The following SPATA3 variants were observed in gnomAD, a reference collection of about 807,000 sequenced individuals.
SPATA3 encodes spermatogenesis associated 3.
A neutral mutation model predicts 5.7 loss-of-function variants in SPATA3; 6 were observed. The ratio of observed to expected loss-of-function variants is 1.06; its 90% CI spans 0.58 to 2.09. The LOEUF (loss-of-function observed/expected upper bound fraction) is 2.09, where lower values mean the gene tolerates loss of function less well. Ranked by LOEUF, SPATA3 falls within the 30% of genes most tolerant of loss-of-function variation. The probability of loss-of-function intolerance (pLI) is 0.00; values close to 1 mark genes in which losing one functional copy is unlikely to be tolerated. For synonymous variants in SPATA3, 44 were observed against 48.4 expected, an observed-to-expected ratio of 0.91 and a Z score of 0.37; for missense variants, 155 against 130.4, an observed-to-expected ratio of 1.19 and a Z score of -0.92.
chr2:231,004,951 TATCACCATCATCCTC>T (rs912211192), downstream of SPATA3, among the ~76,000 whole-genome samples: 8 of 139,282 alleles, frequency 5.7e-5, no homozygotes, highest in Non-Finnish European at 1.1e-4. Context: ...CCATCACCAT[TATCACCATCATCCTC>T]ATCACCATCA....
At chr2:230,999,616 A>G (rs1196647236) in intron 1 of SPATA3, 1 of 163,604 alleles carries the variant, frequency 6.1e-6, no homozygotes. Flanking sequence ...TAATCCAGCC[A>G]GAAATTATCT....
At chr2:230,998,587 G>A (rs1692223088) in intron 1 of SPATA3, among the ~76,000 whole-genome samples, 1 of 152,224 alleles carries the variant, frequency 6.6e-6, no homozygotes, top group Non-Finnish European at 1.5e-5. Context: ...AGAAAGGAAT[G>A]TTGGAGATGA....
exon 3 of SPATA3, chr2:231,002,747 C>T: frequency 1.3e-6 from 2 of 1,531,916 alleles, no homozygotes; most frequent in Non-Finnish European, 1.8e-6. Context: ...GGAACTGTGG[C>T]TGTGGCTCTG....
intron 2 of SPATA3, among the ~76,000 whole-genome samples, chr2:231,002,279 G>A (rs1398931955): frequency 6.6e-6 from 1 of 152,116 alleles, no homozygotes; most frequent in East Asian, 1.9e-4. Context: ...CCTTTGTGTG[G>A]GTGTAATATA....
intron 6 of SPATA3, among the ~76,000 whole-genome samples, chr2:231,017,274 CTCTTT>C (rs1436202793): frequency 6.6e-6 from 1 of 152,224 alleles, no homozygotes; most frequent in African/African-American, 2.4e-5. Flanking sequence ...ATCTGACATG[CTCTTT>C]TCTTTCCCAC....
At chr2:231,013,061 G>T (rs1053901571) in intron 5 of SPATA3, among the ~76,000 whole-genome samples, 1 of 152,108 alleles carries the variant, frequency 6.6e-6, no homozygotes, top group Non-Finnish European at 1.5e-5. Context: ...GGGCCTTGAT[G>T]CTGCCAGGGA....
intron 1 of SPATA3, among the ~76,000 whole-genome samples, chr2:230,997,013 G>A (rs1481097623): frequency 6.6e-6 from 1 of 152,192 alleles, no homozygotes; most frequent in Admixed American, 6.5e-5. Flanking sequence ...ACCATTTAGT[G>A]TATGACAGTC....
chr2:230,998,641 A>G (rs1226618824), intron 1 of SPATA3, among the ~76,000 whole-genome samples: 2 of 152,226 alleles, frequency 1.3e-5, no homozygotes, highest in Non-Finnish European at 1.5e-5. Flanking sequence ...TCTAAAATCC[A>G]AGCCTTTTTG....
At chr2:231,015,706 G>T (rs764886200) in intron 6 of SPATA3, among the ~76,000 whole-genome samples, 1 of 152,202 alleles carries the variant, frequency 6.6e-6, no homozygotes, top group Non-Finnish European at 1.5e-5. Flanking sequence ...TGCAGCTGTG[G>T]GGGCAATGGA....
intron 6 of SPATA3, among the ~76,000 whole-genome samples, chr2:231,015,012 C>T (rs143826782): frequency 1.3e-5 from 2 of 151,630 alleles, no homozygotes; most frequent in African/African-American, 2.4e-5. Flanking sequence ...GAGGGGAGCA[C>T]CAGGAAATCC....
At chr2:231,005,580 T>TCACCAC (rs1692592066), downstream of SPATA3, among the ~76,000 whole-genome samples, 1 of 22,178 alleles carries the variant, frequency 4.5e-5, no homozygotes, top group African/African-American at 1.5e-4. Context: ...ATCATCACCA[T>TCACCAC]CATCATCCTC....
At position 231,000,590 on chromosome 2, in the gene SPATA3, C is replaced by T. The variant is rs1692313915; in HGVS notation, c.962+53C>T. ...GGGGCACACAGTCCCCAGGGCCAGG[C>T]TCTGCCCCCAGACCTTATTAGCAAT... is the stretch of plus-strand genomic sequence containing the variant. On this transcript the variant is annotated intron_variant, in intron 2 of 2. Coordinates refer to ENST00000645363, the Ensembl canonical transcript of SPATA3. 6 of 1,418,010 alleles carry T rather than the reference C, an allele frequency of 4.2e-6. No homozygotes were observed. In the South Asian group the frequency reaches 7.6e-5, roughly 18 times the overall value. 87.8% of individuals were successfully genotyped at this position (1,418,010 alleles called of 1,614,324 possible). A position where few individuals can be genotyped will look rare whatever the true frequency, so the allele number is the denominator to read the frequency against.
rs187991034 is a variant in SPATA3, at chr2:231,018,933, G to A, written c.*566-787G>A. 2.6e-3 allele frequency among the ~76,000 whole-genome samples: 389 copies of A among 150,792 alleles called. 3 individuals carry two copies. The highest frequency in any genetic ancestry group is 0.01 in the East Asian group (52 of 5,120). On this transcript the variant is annotated intron_variant, in intron 6 of 8. Transcript: ENST00000452881. ...ATTCCTGACCTCAGGTGATCCACCC[G>A]CCTCAGCCACCGTGCCTGGCCTGAT...
At chr2:231,000,698 G>GCCCTTT (rs1411832996) in intron 2 of SPATA3, among the ~76,000 whole-genome samples, 161 bp downstream of exon 2, 7 of 152,192 alleles carry the variant, frequency 4.6e-5, no homozygotes, top group African/African-American at 1.2e-4. Context: ...CTGGACGTTG[G>GCCCTTT]CAGGCAGGGC....
chr2:231,003,270 T>C (rs1692423259), downstream of SPATA3, among the ~76,000 whole-genome samples: 1 of 152,336 alleles, frequency 6.6e-6, no homozygotes, highest in African/African-American at 2.4e-5. Context: ...TCTCCACCTG[T>C]GCCTCCTGTG....
downstream of SPATA3, among the ~76,000 whole-genome samples, chr2:231,011,839 T>C (rs1692796639): frequency 6.6e-6 from 1 of 152,188 alleles, no homozygotes; most frequent in Non-Finnish European, 1.5e-5. Context: ...TTCAGGCTGC[T>C]ATTACAGGCT....
At chr2:231,016,224 C>T (rs745903) in intron 6 of SPATA3, among the ~76,000 whole-genome samples, 49,783 of 152,054 alleles carry the variant, frequency 0.33, 8,415 homozygotes, top group Non-Finnish European at 0.37. Context: ...CAATTCCACC[C>T]CCATTCCAGG....
intron 6 of SPATA3, among the ~76,000 whole-genome samples, chr2:231,016,801 T>C (rs1574678341): frequency 1.3e-5 from 2 of 152,176 alleles, no homozygotes; most frequent in African/African-American, 4.8e-5. Context: ...GAGGAGCGGG[T>C]GCCCTCTCCT....
Position 230,996,588 on chromosome 2 carries a change from G to C in SPATA3, c.791-3778G>C. 2.0e-6 allele frequency: 3 copies of C among 1,531,206 alleles called. No individual in the cohort carries two copies. The South Asian group carries it at 3.8e-5, about 19-fold the overall frequency. The allele number at this position is 1,531,206 out of a possible 1,614,324, so 94.9% of individuals were successfully genotyped here. A position where few individuals can be genotyped will look rare whatever the true frequency, so the allele number is the denominator to read the frequency against. ...CAGCCTTCCTGCTGATGGAGTTCTG[G>C]GTCATCCCAAAGGCTGGTTCTTGTA... On this transcript the variant is annotated intron_variant, in intron 1 of 2. Coordinates refer to ENST00000645363, the Ensembl canonical transcript of SPATA3.
Sources: allele counts gnomAD v4.1 joint callset (sites outside exome capture counted in the v4.1 genomes callset), GRCh38; gene constraint gnomAD v4.1.1; transcripts MANE v1.5; gene names NCBI Gene and HGNC (gene_info 2026-07-23, HGNC 2026-07-21).